Variants in FBXL17 observed in about 807,000 individuals in gnomAD.
FBXL17 encodes F-box/LRR-repeat protein 17.
A neutral mutation model predicts 66.2 loss-of-function variants in FBXL17; 22 were observed. The observed-to-expected ratio is 0.33, with a 90% confidence interval of 0.24 to 0.47. The LOEUF is 0.47. Among genes scored for constraint, FBXL17 ranks in the 20% least tolerant of loss-of-function variants. The pLI is 1.00. For synonymous variants in FBXL17, 474 were observed against 400.5 expected (o/e 1.18, Z -2.19); for missense variants, 878 against 948.2 (o/e 0.93, Z 0.97).
At chr5:107,894,696 A>G (rs574949597) in intron 7 of FBXL17, among the ~76,000 whole-genome samples, 5 of 152,250 alleles carry the variant, frequency 3.3e-5, no homozygotes, top group African/African-American at 9.6e-5. Context: ...ATAATTATAC[A>G]TGTGTGAGAT....
At chr5:108,240,170 T>C (rs1250127368) in intron 4 of FBXL17, among the ~76,000 whole-genome samples, 1 of 152,004 alleles carries the variant, frequency 6.6e-6, no homozygotes, top group Admixed American at 6.6e-5. Flanking sequence ...TCCTTCTACT[T>C]GAGAAAAGAA....
rs1021050429 is a variant in FBXL17 at position 108,075,272 on chromosome 5, T to C, written c.1746-54271A>G. Reference sequence around the variant, plus strand: ...CTTACAAAACCCTATGGTAAATTCCTGTGATTTTGTGCTACCTTAGCATCA... The same window carrying C: ...CTTACAAAACCCTATGGTAAATTCCCGTGATTTTGTGCTACCTTAGCATCA... On this transcript the variant is annotated intron_variant, in intron 6 of 8. Coordinates refer to ENST00000542267, the MANE Select transcript of FBXL17 (RefSeq NM_001163315.3). 5.3e-5 allele frequency among the ~76,000 whole-genome samples: 8 copies of C among 152,282 alleles called. No individual in the cohort carries two copies. The South Asian group carries it at 1.7e-3, about 32-fold the overall frequency.
intron 5 of FBXL17, among the ~76,000 whole-genome samples, chr5:108,220,904 C>T (rs1754835727): frequency 1.3e-5 from 2 of 152,174 alleles, no homozygotes; most frequent in Admixed American, 1.3e-4. Flanking sequence ...AGAGTAGACC[C>T]AATTCTCCCA....
intron 7 of FBXL17, among the ~76,000 whole-genome samples, chr5:107,932,137 A>AT (rs1311243592): frequency 6.6e-6 from 1 of 152,154 alleles, no homozygotes; most frequent in East Asian, 1.9e-4. Flanking sequence ...TAGAAGAAGG[A>AT]TTTTTGTCTA....
intron 6 of FBXL17, among the ~76,000 whole-genome samples, chr5:108,038,601 C>T (rs1315325989): frequency 1.3e-5 from 2 of 151,910 alleles, no homozygotes; most frequent in African/African-American, 4.8e-5. Flanking sequence ...ATATGCCTAT[C>T]ATATTTGTTA....
rs747623295 is a variant in FBXL17, at chr5:108,381,175, G to A, written c.517C>T (p.Pro173Ser). The A allele has an allele frequency of 7.5e-5, 107 of 1,428,916 alleles. No individual in the cohort carries two copies. In the African/African-American group the frequency reaches 1.5e-3, roughly 20 times the overall value. The allele number at this position is 1,428,916 out of a possible 1,614,324, so 88.5% of individuals were successfully genotyped here. A position where few individuals can be genotyped will look rare whatever the true frequency, so the allele number is the denominator to read the frequency against. The change falls in exon 1 of 9, where the codon CCC becomes TCC. Residue 173 changes from proline to serine, a missense_variant. This residue lies in a region of FBXL17 where 605 missense variants were observed against 509.5 expected (regional missense o/e 1.19). Coordinates refer to ENST00000542267, the MANE Select transcript of FBXL17 (RefSeq NM_001163315.3). Reference sequence around the variant, plus strand: ...CCCCGGAAGAGCTGCACGGCGGCGGGCGGCCCCAGGAAGCGCACCGGCCCC... The same window carrying A: ...CCCCGGAAGAGCTGCACGGCGGCGGACGGCCCCAGGAAGCGCACCGGCCCC... Reference protein sequence around the residue: ...SLGPVRFLGPPAAVQLFRGPT... With the variant: ...SLGPVRFLGPSAAVQLFRGPT...
intron 5 of FBXL17, among the ~76,000 whole-genome samples, chr5:108,195,416 C>A (rs897734318): frequency 1.8e-4 from 28 of 152,004 alleles, no homozygotes; most frequent in African/African-American, 6.5e-4. Flanking sequence ...GAAACTGTCC[C>A]AGCACTTTGG....
At chr5:108,362,811 A>G (rs1748426999) in intron 3 of FBXL17, among the ~76,000 whole-genome samples, 1 of 152,132 alleles carries the variant, frequency 6.6e-6, no homozygotes, top group African/African-American at 2.4e-5. Flanking sequence ...GCTAAAGTCA[A>G]TCAAAATTAT....
chr5:108,065,257 GCTT>G (rs1310377851), intron 6 of FBXL17, among the ~76,000 whole-genome samples: 3 of 151,994 alleles, frequency 2.0e-5, no homozygotes, highest in East Asian at 1.9e-4. Flanking sequence ...TTCATGTTTT[GCTT>G]CTTAACTTTC....
At chr5:108,010,040 T>C (rs1195368807) in intron 7 of FBXL17, among the ~76,000 whole-genome samples, 1 of 152,136 alleles carries the variant, frequency 6.6e-6, no homozygotes, top group African/African-American at 2.4e-5. Context: ...GAGAGAGAAG[T>C]TGAACTAGAC....
At chr5:108,320,847 C>T (rs377037287) in intron 4 of FBXL17, among the ~76,000 whole-genome samples, 10 of 151,702 alleles carry the variant, frequency 6.6e-5, no homozygotes, top group African/African-American at 1.5e-4. Context: ...AAAACAAATT[C>T]GCTTTGTAAC....
chr5:108,242,148 G>A (rs1755881133), intron 4 of FBXL17, among the ~76,000 whole-genome samples: 1 of 152,180 alleles, frequency 6.6e-6, no homozygotes, highest in African/African-American at 2.4e-5. Context: ...ATTGTGGTGT[G>A]TAAACTACTA....
At chr5:108,079,531 A>G (rs1748685211) in intron 6 of FBXL17, among the ~76,000 whole-genome samples, 3 of 152,232 alleles carry the variant, frequency 2.0e-5, no homozygotes, top group Admixed American at 6.5e-5. Flanking sequence ...CATACTTTAC[A>G]TATGTTTTAA....
intron 6 of FBXL17, among the ~76,000 whole-genome samples, chr5:108,138,167 A>G (rs2149983087): frequency 6.6e-6 from 1 of 152,280 alleles, no homozygotes; most frequent in Admixed American, 6.5e-5. Flanking sequence ...ACCCTAGCTA[A>G]TTGGAGATAT....
At chr5:108,220,694 G>A (rs975688905) in intron 5 of FBXL17, among the ~76,000 whole-genome samples, 6 of 152,178 alleles carry the variant, frequency 3.9e-5, no homozygotes, top group South Asian at 4.2e-4. Flanking sequence ...GCCATTTCAC[G>A]TTGGCTTTTG....
intron 6 of FBXL17, among the ~76,000 whole-genome samples, chr5:108,045,693 A>C (rs1186776413): frequency 6.6e-6 from 1 of 152,028 alleles, no homozygotes; most frequent in African/African-American, 2.4e-5. Context: ...ATTTTTTCAA[A>C]TTATTTCTCT....
At chr5:108,023,616 C>CTA (rs2112769414) in intron 6 of FBXL17, among the ~76,000 whole-genome samples, 1 of 152,208 alleles carries the variant, frequency 6.6e-6, no homozygotes, top group African/African-American at 2.4e-5. Flanking sequence ...AGAGTCCATT[C>CTA]TATAACATGC....
At chr5:108,215,561 T>G (rs1380810939) in intron 5 of FBXL17, among the ~76,000 whole-genome samples, 1 of 152,232 alleles carries the variant, frequency 6.6e-6, no homozygotes. Context: ...TTTAAAAAAA[T>G]TAGGCTGTCT....
chr5:108,174,748 CAAAAAAAA>C (rs34237156), intron 6 of FBXL17, among the ~76,000 whole-genome samples: 2 of 92,524 alleles, frequency 2.2e-5, no homozygotes, highest in East Asian at 3.7e-4. Flanking sequence ...CACAAAGAAG[CAAAAAAAA>C]AAAAAAAAAA....
Sources: allele counts gnomAD v4.1 joint callset (sites outside exome capture counted in the v4.1 genomes callset), GRCh38; gene constraint gnomAD v4.1.1; regional missense constraint gnomAD v4.1.1; transcripts MANE v1.5; gene names NCBI Gene and HGNC (gene_info 2026-07-23, HGNC 2026-07-21).